Variants in PTPRN2 observed in about 807,000 individuals in gnomAD.
PTPRN2 encodes the protein receptor-type tyrosine-protein phosphatase N2.
A neutral mutation model predicts 118.8 loss-of-function variants in PTPRN2; 74 were observed. The observed-to-expected ratio is 0.62, with a 90% CI of 0.52 to 0.76. The LOEUF is 0.76. Among genes scored for constraint, PTPRN2 ranks in the 30% least tolerant of loss-of-function variants. The probability of loss-of-function intolerance (pLI) is 0.00; values close to 1 mark genes in which losing one functional copy is unlikely to be tolerated. For missense variants in PTPRN2, 1,481 were observed against 1,394.4 expected (o/e 1.06, Z -0.99); for synonymous variants, 641 against 608.0 (o/e 1.05, Z -0.80).
chr7:157,970,633 C>A (rs1198453852), intron 11 of PTPRN2, among the ~76,000 whole-genome samples: 1 of 99,614 alleles, frequency 1.0e-5, no homozygotes, highest in Admixed American at 1.1e-4. Flanking sequence ...ACGCTCAGAG[C>A]GGACCCCCCC....
intron 11 of PTPRN2, chr7:158,029,775 C>G (rs1807554541): frequency 6.6e-6 from 1 of 152,440 alleles, no homozygotes; most frequent in African/African-American, 2.4e-5. Flanking sequence ...GGCTCCTGTC[C>G]TGCCCATCCA....
chr7:157,667,500 C>A (rs1796202218), intron 13 of PTPRN2, among the ~76,000 whole-genome samples: 1 of 152,242 alleles, frequency 6.6e-6, no homozygotes, highest in Non-Finnish European at 1.5e-5. Context: ...AGCTGGGGGC[C>A]TCTGGCAGGG....
At chr7:158,249,567 C>A (rs1259926246) in intron 3 of PTPRN2, among the ~76,000 whole-genome samples, 3 of 152,138 alleles carry the variant, frequency 2.0e-5, no homozygotes, top group Non-Finnish European at 1.5e-5. Flanking sequence ...CCTGCACACA[C>A]ACACCCTGCA....
At position 158,526,881 on chromosome 7, in the gene PTPRN2, C is replaced by T. The variant is rs568964929; in HGVS notation, c.113-37096G>A. 5.9e-5 allele frequency among the ~76,000 whole-genome samples: 9 copies of T among 152,112 alleles called. No homozygotes were observed. Among genetic ancestry groups the T allele is most frequent in the African/African-American group, 1.2e-4 (5 of 41,426 alleles). ...CAGAAATGTCTGTTGTTTGCTAAGC[C>T]GCCTGGTTTGTGGGGGTTTGTTAGG... On this transcript the variant is annotated intron_variant, in intron 1 of 22. Transcript: ENST00000389418. The surrounding 1 kb of genome is among the most constrained non-coding windows in gnomAD (Gnocchi z 5.2).
chr7:158,312,942 G>A (rs925693874), intron 3 of PTPRN2, among the ~76,000 whole-genome samples: 2 of 151,716 alleles, frequency 1.3e-5, no homozygotes, highest in African/African-American at 4.8e-5. Flanking sequence ...GTCAATGAGT[G>A]TGCAGGGGTG....
At chr7:157,997,694 G>T (rs1041934354) in intron 11 of PTPRN2, among the ~76,000 whole-genome samples, 2 of 151,446 alleles carry the variant, frequency 1.3e-5, no homozygotes, top group African/African-American at 4.9e-5. Flanking sequence ...GCAGAGCCTG[G>T]GGGGAGGAGT....
chr7:158,532,374 G>A lies in PTPRN2; in HGVS notation c.113-42589C>T, dbSNP rs77030244. Among the ~76,000 whole-genome samples, 183 of 152,304 alleles carry A rather than the reference G, an allele frequency of 1.2e-3. 4 individuals carry two copies. In the East Asian group the frequency reaches 0.029, roughly 24 times the overall value. ...ACTGTCAGCCCCCAGCGTGGCTCCT[G>A]TGGCTTCTGAGAAGCCCCAGATGTC... On this transcript the variant is annotated intron_variant, in intron 1 of 22. Coordinates refer to ENST00000389418, the MANE Select transcript of PTPRN2 (RefSeq NM_002847.5).
chr7:157,633,190 G>C (rs1804071579), intron 14 of PTPRN2, among the ~76,000 whole-genome samples: 1 of 151,504 alleles, frequency 6.6e-6, no homozygotes, highest in Non-Finnish European at 1.5e-5. Flanking sequence ...GCCCAGGCTG[G>C]AGTGCAGTGG....
intron 10 of PTPRN2, among the ~76,000 whole-genome samples, chr7:158,081,902 A>G (rs902041424): frequency 6.6e-6 from 1 of 152,226 alleles, no homozygotes; most frequent in African/African-American, 2.4e-5. Context: ...TTTAAATGCT[A>G]TGTCAACCAC....
intron 2 of PTPRN2, among the ~76,000 whole-genome samples, chr7:158,446,758 G>T (rs1002138070): frequency 6.6e-6 from 1 of 152,214 alleles, no homozygotes; most frequent in Non-Finnish European, 1.5e-5. Context: ...CTGGGGAGAA[G>T]CCCAGCCCCA....
intron 2 of PTPRN2, among the ~76,000 whole-genome samples, chr7:158,415,426 C>G (rs1472189628): frequency 1.3e-5 from 2 of 151,968 alleles, no homozygotes; most frequent in Non-Finnish European, 2.9e-5. Flanking sequence ...CTGCTTCAGC[C>G]CTGGATGACA....
chr7:158,568,676 A>AT (rs1011005960), intron 1 of PTPRN2, among the ~76,000 whole-genome samples: 10 of 152,000 alleles, frequency 6.6e-5, no homozygotes, highest in African/African-American at 2.2e-4. Context: ...AGTGGTTTCT[A>AT]TTTTTTTCTA....
At chr7:158,104,718 A>C (rs1815524853) in intron 10 of PTPRN2, among the ~76,000 whole-genome samples, 1 of 147,556 alleles carries the variant, frequency 6.8e-6, no homozygotes, top group African/African-American at 2.5e-5. Flanking sequence ...AGCTCCATCA[A>C]ACTCCATCCC....
At chr7:158,301,372 A>G (rs1257981811) in intron 3 of PTPRN2, among the ~76,000 whole-genome samples, 1 of 152,168 alleles carries the variant, frequency 6.6e-6, no homozygotes, top group Non-Finnish European at 1.5e-5. Context: ...TATGCGCTCA[A>G]TTGTAAGAAG....
At chr7:158,341,177 C>A (rs1586384377) in intron 2 of PTPRN2, among the ~76,000 whole-genome samples, 1 of 150,468 alleles carries the variant, frequency 6.6e-6, no homozygotes, top group Non-Finnish European at 1.5e-5. Flanking sequence ...GTCACTCACA[C>A]CCACACTCTC....
At chr7:158,335,007 G>A (rs62480935) in intron 2 of PTPRN2, among the ~76,000 whole-genome samples, 1 of 3,060 alleles carries the variant, frequency 3.3e-4, no homozygotes, top group African/African-American at 1.3e-3. Context: ...CACCCACACT[G>A]TCACCATAAG....
At chr7:158,079,148 G>T (rs1812606326) in intron 11 of PTPRN2, among the ~76,000 whole-genome samples, 1 of 152,148 alleles carries the variant, frequency 6.6e-6, no homozygotes, top group East Asian at 1.9e-4. Context: ...CGGCCAATCT[G>T]TTTCTTATAT....
chr7:157,571,257 A>T (rs1053519109), intron 20 of PTPRN2, among the ~76,000 whole-genome samples, 183 bp downstream of exon 20: 2 of 152,026 alleles, frequency 1.3e-5, no homozygotes, highest in African/African-American at 4.8e-5. Context: ...ACATAATACA[A>T]GCAACGCCCA....
intron 12 of PTPRN2, among the ~76,000 whole-genome samples, chr7:157,894,215 A>C (rs1027917534): frequency 1.3e-5 from 2 of 152,358 alleles, no homozygotes; most frequent in South Asian, 4.1e-4. Context: ...AGCCGAGAGC[A>C]CAGGAAGAAA....
Sources: gnomAD v4.1 joint callset for allele counts (sites outside exome capture counted in the v4.1 genomes callset) on GRCh38, gnomAD v4.1.1 for gene constraint, Gnocchi (gnomAD v3.1) non-coding constraint, MANE v1.5 for transcripts, NCBI Gene and HGNC (gene_info 2026-07-23, HGNC 2026-07-21) for gene names.